The following MAP2 variants were observed in gnomAD, a reference collection of about 807,000 sequenced individuals.
The protein encoded by MAP2 is microtubule-associated protein 2.
MAP2 carries 14 observed loss-of-function variants against 137.6 expected under a neutral mutation model. The ratio of observed to expected loss-of-function variants is 0.10; its 90% confidence interval spans 0.07 to 0.16. The LOEUF (loss-of-function observed/expected upper bound fraction) is 0.16. Ranked by LOEUF, MAP2 falls within the 10% of genes least tolerant of loss-of-function variation. The pLI is 1.00. For synonymous variants in MAP2, 786 were observed against 782.3 expected (o/e 1.00, Z -0.08); for missense variants, 2,088 against 2,191.5 (o/e 0.95, Z 0.94).
intron 3 of MAP2, among the ~76,000 whole-genome samples, chr2:209,587,618 G>T (rs921190777): frequency 6.6e-6 from 1 of 152,086 alleles, no homozygotes; most frequent in Admixed American, 6.6e-5. Context: ...GGGAACGTGG[G>T]AGCACTGACC....
intron 1 of MAP2, among the ~76,000 whole-genome samples, chr2:209,469,850 T>C (rs1031633421): frequency 2.6e-5 from 4 of 152,244 alleles, no homozygotes; most frequent in African/African-American, 9.6e-5. Context: ...TCACTAGTTA[T>C]GTTTCTCTAA....
intron 13 of MAP2, among the ~76,000 whole-genome samples, chr2:209,724,853 G>A (rs1270525580): frequency 6.6e-6 from 1 of 152,224 alleles, no homozygotes; most frequent in African/African-American, 2.4e-5. Context: ...TACCTTGAGG[G>A]TATCAGAGGA....
intron 5 of MAP2, among the ~76,000 whole-genome samples, chr2:209,677,803 C>T (rs918803170): frequency 7.9e-5 from 12 of 151,894 alleles, no homozygotes; most frequent in African/African-American, 2.2e-4. Context: ...TGTCATATGG[C>T]TTTAAAGATC....
At chr2:209,601,012 C>T (rs2082829738) in intron 3 of MAP2, among the ~76,000 whole-genome samples, 1 of 152,150 alleles carries the variant, frequency 6.6e-6, no homozygotes, top group African/African-American at 2.4e-5. Flanking sequence ...CTCACAATGA[C>T]AGCTGTATGG....
chr2:209,516,843 T>A (rs2062585342), intron 2 of MAP2, among the ~76,000 whole-genome samples: 1 of 152,078 alleles, frequency 6.6e-6, no homozygotes, highest in South Asian at 2.1e-4. Context: ...TTGTAGTATG[T>A]TAGAGGGGTG....
intron 1 of MAP2, among the ~76,000 whole-genome samples, chr2:209,477,332 GA>G (rs1275082580): frequency 6.0e-5 from 9 of 150,618 alleles, no homozygotes; most frequent in South Asian, 4.2e-4. Context: ...ATGTTATATT[GA>G]AAAAAAAGCC....
At chr2:209,649,359 T>C (rs557349062) in intron 4 of MAP2, among the ~76,000 whole-genome samples, 1 of 152,152 alleles carries the variant, frequency 6.6e-6, no homozygotes, top group African/African-American at 2.4e-5. Context: ...TTCAAAGAGA[T>C]TTGGGTAAAA....
chr2:209,430,909 G>A (rs1694080481), intron 1 of MAP2, among the ~76,000 whole-genome samples: 2 of 152,124 alleles, frequency 1.3e-5, no homozygotes, highest in Admixed American at 1.3e-4. Flanking sequence ...TTATTTAAAA[G>A]ATCTTTGGCC....
At chr2:209,525,340 G>A (rs749160917) in intron 2 of MAP2, among the ~76,000 whole-genome samples, 1 of 151,632 alleles carries the variant, frequency 6.6e-6, no homozygotes, top group Non-Finnish European at 1.5e-5. Flanking sequence ...TTTTATCTAG[G>A]CATAAAACAG....
intron 1 of MAP2, among the ~76,000 whole-genome samples, chr2:209,472,915 G>A (rs1298199156): frequency 6.6e-6 from 1 of 152,144 alleles, no homozygotes; most frequent in East Asian, 1.9e-4. Flanking sequence ...AAGTGGATTA[G>A]CAATTTTCAA....
At chr2:209,433,833 C>T (rs1383900589) in intron 1 of MAP2, among the ~76,000 whole-genome samples, 1 of 151,590 alleles carries the variant, frequency 6.6e-6, no homozygotes, top group Non-Finnish European at 1.5e-5. Context: ...TCTCTTTGTA[C>T]CCCAAACCAA....
intron 3 of MAP2, among the ~76,000 whole-genome samples, chr2:209,617,611 C>A (rs1204290133): frequency 6.6e-6 from 1 of 152,084 alleles, no homozygotes; most frequent in Non-Finnish European, 1.5e-5. Flanking sequence ...TCTTTGTGCT[C>A]ATGGAAAGAA....
chr2:209,497,549 A>G (rs1199518410), intron 1 of MAP2, among the ~76,000 whole-genome samples: 1 of 152,236 alleles, frequency 6.6e-6, no homozygotes, highest in Non-Finnish European at 1.5e-5. Context: ...TGGAATTTAC[A>G]AAGAAAAGAG....
At chr2:209,629,699 G>A (rs534018019) in intron 4 of MAP2, among the ~76,000 whole-genome samples, 1 of 152,154 alleles carries the variant, frequency 6.6e-6, no homozygotes, top group Non-Finnish European at 1.5e-5. Context: ...GTCATATCCA[G>A]ATCTCAAGCT....
intron 5 of MAP2, among the ~76,000 whole-genome samples, chr2:209,664,962 CAAAAAAAAAA>C (rs67286716): frequency 6.6e-3 from 344 of 51,852 alleles, no homozygotes; most frequent in African/African-American, 0.019. Context: ...AACTCCGTCT[CAAAAAAAAAA>C]AAAAAAAAAA....
At chr2:209,718,329 T>C (rs148747176) in intron 13 of MAP2, among the ~76,000 whole-genome samples, 1 of 152,282 alleles carries the variant, frequency 6.6e-6, no homozygotes, top group Non-Finnish European at 1.5e-5. Context: ...TATTTAACAA[T>C]TACTTTCTTT....
At chr2:209,707,400 G>A (rs531845667) in intron 12 of MAP2, among the ~76,000 whole-genome samples, 31 of 152,192 alleles carry the variant, frequency 2.0e-4, no homozygotes, top group Admixed American at 1.1e-3. Context: ...GCATAAAGAC[G>A]ATTGGAAAAG....
chr2:209,527,556 A>G (rs1286361292), intron 2 of MAP2, among the ~76,000 whole-genome samples: 1 of 152,130 alleles, frequency 6.6e-6, no homozygotes, highest in African/African-American at 2.4e-5. Flanking sequence ...TTTCTTCACA[A>G]CAATGAGGTT....
intron 4 of MAP2, among the ~76,000 whole-genome samples, chr2:209,636,626 A>G (rs1206163250): frequency 6.6e-6 from 1 of 151,856 alleles, no homozygotes; most frequent in Non-Finnish European, 1.5e-5. Flanking sequence ...ATAACAGCGT[A>G]ATACATTGCA....
Sources: allele counts gnomAD v4.1 joint callset (sites outside exome capture counted in the v4.1 genomes callset), GRCh38; gene constraint gnomAD v4.1.1; transcripts MANE v1.5; gene names NCBI Gene and HGNC (gene_info 2026-07-23, HGNC 2026-07-21).